DSCAML1: variants seen among roughly 807,000 people sequenced by gnomAD.
The protein encoded by DSCAML1 is cell adhesion molecule DSCAML1.
In DSCAML1, 38 loss-of-function variants were observed where a neutral mutation model predicts 200.5. The ratio of observed to expected loss-of-function variants is 0.19; its 90% CI spans 0.15 to 0.25. The LOEUF (loss-of-function observed/expected upper bound fraction) is 0.25. Ranked by LOEUF, DSCAML1 falls within the 10% of genes least tolerant of loss-of-function variation. The pLI is 1.00. For synonymous variants in DSCAML1, 1,215 were observed against 1,165.0 expected, an observed-to-expected ratio of 1.04 and a Z score of -0.87; for missense variants, 2,223 against 2,858.8, an observed-to-expected ratio of 0.78 and a Z score of 5.07.
chr11:117,548,019 G>A (rs943819073), intron 3 of DSCAML1, among the ~76,000 whole-genome samples: 2 of 152,146 alleles, frequency 1.3e-5, no homozygotes, highest in African/African-American at 4.8e-5. Flanking sequence ...CTTATGTGCC[G>A]CTTCACTGCA....
chr11:117,816,231 T>A (rs775271858), intron 1 of DSCAML1, among the ~76,000 whole-genome samples: 3 of 152,150 alleles, frequency 2.0e-5, no homozygotes, highest in Non-Finnish European at 4.4e-5. Flanking sequence ...GCTAGGACAC[T>A]CGGGCCCTTC....
At chr11:117,628,729 G>A (rs2137566968) in intron 3 of DSCAML1, among the ~76,000 whole-genome samples, 1 of 152,312 alleles carries the variant, frequency 6.6e-6, no homozygotes, top group Non-Finnish European at 1.5e-5. Flanking sequence ...TCCATGGGAA[G>A]GGGAAGTTAT....
chr11:117,650,905 G>A (rs1319732562), intron 3 of DSCAML1, among the ~76,000 whole-genome samples: 1 of 152,198 alleles, frequency 6.6e-6, no homozygotes, highest in Non-Finnish European at 1.5e-5. Flanking sequence ...CAGGCCCCAG[G>A]CCTCTGCCAG....
intron 3 of DSCAML1, among the ~76,000 whole-genome samples, chr11:117,567,943 G>T (rs552985628): frequency 1.3e-4 from 20 of 151,976 alleles, no homozygotes; most frequent in Non-Finnish European, 1.9e-4. Context: ...TAGACCAATA[G>T]CCTTGATGAA....
rs180715516 is a variant in DSCAML1 at position 117,785,496 on chromosome 11, G to A, written c.47-4686C>T. Among the ~76,000 whole-genome samples the A allele has an allele frequency of 1.6e-4, 24 of 152,268 alleles. 1 individual carries two copies. Among genetic ancestry groups the A allele is most frequent in the Admixed American group, 1.3e-3 (20 of 15,298 alleles). ...CTGGAGCACTGGGTGGGTTTGGGGAGAAGAGCTGAAACCAGCTGGATTGAG... is the reference window on the plus strand; with the variant it reads ...CTGGAGCACTGGGTGGGTTTGGGGAAAAGAGCTGAAACCAGCTGGATTGAG... On this transcript the variant is annotated intron_variant, in intron 1 of 32. Coordinates refer to ENST00000651296, the MANE Select transcript of DSCAML1 (RefSeq NM_020693.4).
At chr11:117,634,333 AC>A (rs2052234067) in intron 3 of DSCAML1, among the ~76,000 whole-genome samples, 1 of 152,182 alleles carries the variant, frequency 6.6e-6, no homozygotes, top group Admixed American at 6.5e-5. Flanking sequence ...CCTGGCTGTC[AC>A]TGTCACTGGC....
chr11:117,650,692 T>C (rs1405692702), intron 3 of DSCAML1, among the ~76,000 whole-genome samples: 1 of 141,790 alleles, frequency 7.1e-6, no homozygotes, highest in African/African-American at 2.5e-5. Context: ...TGTGTGTGTG[T>C]GTGTGTGTGC....
In DSCAML1 at chr11:117,491,138, C is replaced by T. The variant is rs192407736; in HGVS notation, c.2360-8976G>A. On this transcript the variant is annotated intron_variant, in intron 11 of 32. Transcript: ENST00000651296. ...TTGAAGGAACAGGATGAGAATGCCA[C>T]GGGCTGCCGGGAGAGGCTGCTAAAA... is the stretch of plus-strand genomic sequence containing the variant. Among the ~76,000 whole-genome samples the T allele has an allele frequency of 1.2e-3, 186 of 152,252 alleles. 1 individual carries two copies. Among genetic ancestry groups the T allele is most frequent in the African/African-American group, 4.1e-3 (169 of 41,546 alleles).
chr11:117,451,108 T>C (rs2048273966), intron 19 of DSCAML1, among the ~76,000 whole-genome samples: 1 of 152,176 alleles, frequency 6.6e-6, no homozygotes, highest in African/African-American at 2.4e-5. Flanking sequence ...TGTGAGTTTC[T>C]TGAAGCTGGG....
At chr11:117,660,656 T>C (rs769581058) in intron 3 of DSCAML1, among the ~76,000 whole-genome samples, 2 of 152,166 alleles carry the variant, frequency 1.3e-5, no homozygotes, top group Non-Finnish European at 2.9e-5. Context: ...AGTCCCTCCA[T>C]CCTGGGAGCC....
chr11:117,608,008 A>G (rs2051607077), intron 3 of DSCAML1, among the ~76,000 whole-genome samples: 3 of 152,244 alleles, frequency 2.0e-5, no homozygotes, highest in Non-Finnish European at 4.4e-5. Context: ...CTCCACCTGC[A>G]TCAGAGGGAA....
At position 117,481,568 on chromosome 11, in the gene DSCAML1, G is replaced by A. The variant is rs59279252; in HGVS notation, c.2560-298C>T. Among the ~76,000 whole-genome samples, 307 of 117,838 alleles carry A rather than the reference G, an allele frequency of 2.6e-3. 5 individuals are homozygous for A. The highest frequency in any genetic ancestry group is 9.7e-3 in the African/African-American group (295 of 30,356). 77.3% of individuals were successfully genotyped at this position (117,838 alleles called of 152,430 possible). On this transcript the variant is annotated intron_variant, in intron 12 of 32. Coordinates refer to ENST00000651296, the MANE Select transcript of DSCAML1 (RefSeq NM_020693.4). ...GTGGGAGGGGCTGAGGGGGTCCCAGGGGAGTAGGAGGGGCTGAGGGGGGGG... is the reference window on the plus strand; with the variant it reads ...GTGGGAGGGGCTGAGGGGGTCCCAGAGGAGTAGGAGGGGCTGAGGGGGGGG...
chr11:117,634,474 TAG>T (rs2052237413), intron 3 of DSCAML1, among the ~76,000 whole-genome samples: 1 of 152,212 alleles, frequency 6.6e-6, no homozygotes, highest in Non-Finnish European at 1.5e-5. Flanking sequence ...GTCCAGCTCC[TAG>T]ATGAAGCTTT....
At chr11:117,536,159 C>T (rs1391705108) in intron 3 of DSCAML1, among the ~76,000 whole-genome samples, 1 of 152,150 alleles carries the variant, frequency 6.6e-6, no homozygotes, top group Non-Finnish European at 1.5e-5. Context: ...ATGTTAGTCC[C>T]CTTGGGGGGG....
rs538015022 is a variant in DSCAML1, at chr11:117,600,617, G to A, written c.512-68095C>T. Among the ~76,000 whole-genome samples the A allele has an allele frequency of 2.0e-5, 3 of 152,304 alleles. No homozygotes were observed. The East Asian group carries it at 5.8e-4, about 29-fold the overall frequency. On this transcript the variant is annotated intron_variant, in intron 3 of 32. Transcript: ENST00000651296. ...CAGAGGAGGGAGGAGGAGGTGGTCT[G>A]AGCCACCACATTAGGCAGTGACAAT...
chr11:117,802,653 A>G (rs1776573703), intron 1 of DSCAML1, among the ~76,000 whole-genome samples: 1 of 152,196 alleles, frequency 6.6e-6, no homozygotes, highest in African/African-American at 2.4e-5. Flanking sequence ...TAGACCCCGC[A>G]GGAGTGCTGA....
At chr11:117,704,905 T>C (rs571676157) in intron 3 of DSCAML1, among the ~76,000 whole-genome samples, 32 of 152,262 alleles carry the variant, frequency 2.1e-4, no homozygotes, top group African/African-American at 7.7e-4. Flanking sequence ...AGAGGAACAC[T>C]GGAAAAGCAT....
intron 3 of DSCAML1, among the ~76,000 whole-genome samples, chr11:117,676,957 G>A (rs118142544): frequency 6.6e-6 from 1 of 152,320 alleles, no homozygotes; most frequent in Non-Finnish European, 1.5e-5. Context: ...AGGGGAGGCC[G>A]GGTAGAGAGC....
chr11:117,559,037 G>A (rs924099917), intron 3 of DSCAML1, among the ~76,000 whole-genome samples: 1 of 152,056 alleles, frequency 6.6e-6, no homozygotes, highest in African/African-American at 2.4e-5. Context: ...TATAAACTAG[G>A]GAAAAGGGGA....
Sources: gnomAD v4.1 joint callset for allele counts (sites outside exome capture counted in the v4.1 genomes callset) on GRCh38, gnomAD v4.1.1 for gene constraint, MANE v1.5 for transcripts, NCBI Gene and HGNC (gene_info 2026-07-23, HGNC 2026-07-21) for gene names.